Variants in POR observed in about 807,000 individuals in gnomAD.
POR encodes the protein cytochrome p450 oxidoreductase.
Under a neutral mutation model 84.0 loss-of-function variants are expected in POR, and 56 were observed. The observed-to-expected ratio is 0.67, with a 90% CI of 0.54 to 0.83. The LOEUF (loss-of-function observed/expected upper bound fraction) is 0.83, where lower values mean the gene tolerates loss of function less well. Among genes scored for constraint, POR ranks in the 40% least tolerant of loss-of-function variants. POR has a pLI of 0.00. For synonymous variants in POR, 414 were observed against 400.5 expected, an observed-to-expected ratio of 1.03 and a Z score of -0.40; for missense variants, 938 against 944.3, an observed-to-expected ratio of 0.99 and a Z score of 0.09.
rs781837432 is a variant in POR at position 75,985,683 on chromosome 7, G to T, written c.1503G>T (p.Glu501Asp). Residue 501 changes from glutamate to aspartate, a missense_variant, in exon 13 of 16, where the codon GAG (glutamate) becomes GAT (aspartate). Physicochemically the swap from Glu to Asp is conservative, Grantham distance 45. Transcript: ENST00000461988. ...CCACCAACTGGCTGCGGGCCAAGGAGCCTGCCGGGGAGAACGGCGGCCGTG... is the reference window on the plus strand; with the variant it reads ...CCACCAACTGGCTGCGGGCCAAGGATCCTGCCGGGGAGAACGGCGGCCGTG... 4 of 1,594,324 alleles carry T rather than the reference G, an allele frequency of 2.5e-6. No homozygotes were observed. Among genetic ancestry groups the T allele is most frequent in the Non-Finnish European group, 3.4e-6 (4 of 1,171,860 alleles).
At chr7:75,981,673 G>T in intron 7 of POR, 67 bp downstream of exon 7, 1 of 1,358,102 alleles carries the variant, frequency 7.4e-7, no homozygotes, top group Non-Finnish European at 1.0e-6. Context: ...AGCCACCCTG[G>T]AACAAGGGCT....
At chr7:75,981,306 C>CCTGCCT (rs1789027812) in intron 6 of POR, 134 bp downstream of exon 6, 1 of 1,350,628 alleles carries the variant, frequency 7.4e-7, no homozygotes, top group Non-Finnish European at 9.8e-7. Flanking sequence ...AAGGGGCTCT[C>CCTGCCT]CTGCCTCTGC....
chr7:75,956,956 C>T (rs1787713432), intron 2 of POR, among the ~76,000 whole-genome samples: 1 of 152,216 alleles, frequency 6.6e-6, no homozygotes, highest in Non-Finnish European at 1.5e-5. Context: ...AAACTCCCGA[C>T]CTCAGGTGAG....
chr7:75,955,758 G>A (rs943745895), intron 2 of POR, among the ~76,000 whole-genome samples: 4 of 152,148 alleles, frequency 2.6e-5, no homozygotes, highest in Non-Finnish European at 4.4e-5. Flanking sequence ...ACCAGTGGGG[G>A]CCATCTGTCA....
In POR at chr7:75,981,126, G is replaced by A. The variant is rs1222031035; in HGVS notation, c.595G>A (p.Gly199Ser). ...CGTGGACAAGCGGCTGGAGCAGCTC[G>A]GCGCCCAGCGCATCTTTGAGCTGGG... is the stretch of plus-strand genomic sequence containing the variant. Residue 199 changes from glycine to serine, a missense_variant, in exon 6 of 16, where the codon GGC (glycine) becomes AGC (serine). Gly to Ser is a moderately conservative substitution (Grantham distance 56). Transcript: ENST00000461988. 1.0e-5 allele frequency: 16 copies of A among 1,557,776 alleles called. No individual in the cohort carries two copies. Among genetic ancestry groups the A allele is most frequent in the Middle Eastern group, 1.8e-4 (1 of 5,468 alleles).
intron 8 of POR, chr7:75,983,245 G>A: frequency 2.7e-6 from 1 of 365,476 alleles, no homozygotes; most frequent in South Asian, 4.6e-5. Flanking sequence ...GGAGGCTGAG[G>A]CAGGAGAATT....
intron 12 of POR, 106 bp downstream of exon 12, chr7:75,985,313 T>C (rs1383235708): frequency 2.9e-6 from 4 of 1,382,230 alleles, no homozygotes; most frequent in Non-Finnish European, 3.8e-6. Context: ...AGCCCTGAGC[T>C]CCAGTTCCAG....
chr7:75,984,864 G>A lies in POR; in HGVS notation c.1154G>A (p.Arg385His), dbSNP rs781879415. Residue 385 changes from arginine (R) to histidine (H), a missense_variant, in exon 11 of 16, where the codon CGT becomes CAT. Coordinates refer to ENST00000461988, the MANE Select transcript of POR (RefSeq NM_000941.3). ...TACCTGGACATCACCAACCCGCCGC[G>A]TACCAACGTGCTGTACGAGCTGGCG... The A allele has an allele frequency of 1.6e-5, 26 of 1,612,426 alleles. No individual in the cohort carries two copies. The highest frequency in any genetic ancestry group is 1.6e-4 in the Middle Eastern group (1 of 6,082).
chr7:75,938,975 C>A (rs1807832832), intron 1 of POR, among the ~76,000 whole-genome samples: 1 of 152,206 alleles, frequency 6.6e-6, no homozygotes, highest in South Asian at 2.1e-4. Context: ...CTGGGAGCCC[C>A]TTCCTTGACT....
At chr7:75,937,552 G>A (rs1230206882) in intron 1 of POR, among the ~76,000 whole-genome samples, 2 of 151,568 alleles carry the variant, frequency 1.3e-5, no homozygotes, top group East Asian at 1.9e-4. Context: ...GAAGGCTGAG[G>A]GGGTGGATCA....
intron 2 of POR, among the ~76,000 whole-genome samples, chr7:75,962,381 CCT>C (rs1448229755): frequency 2.0e-5 from 3 of 152,130 alleles, no homozygotes; most frequent in African/African-American, 7.2e-5. Context: ...ACAGCCTCTA[CCT>C]CCCAGGCTTA....
At chr7:75,957,438 A>G (rs1429322668) in intron 2 of POR, among the ~76,000 whole-genome samples, 4 of 152,172 alleles carry the variant, frequency 2.6e-5, no homozygotes, top group Non-Finnish European at 5.9e-5. Context: ...TAAAGAGACC[A>G]GGGTCCAGGA....
intron 1 of POR, among the ~76,000 whole-genome samples, chr7:75,929,691 A>T (rs572220858): frequency 6.6e-6 from 1 of 152,264 alleles, no homozygotes; most frequent in Non-Finnish European, 1.5e-5. Context: ...TGTCTGTCTC[A>T]TTAGTACCAT....
Position 75,986,271 on chromosome 7 carries a change from G to A in POR, c.1898+30G>A, listed in dbSNP as rs781890577. The A allele has an allele frequency of 4.1e-5, 66 of 1,612,528 alleles. No individual in the cohort carries two copies. The Admixed American group carries it at 7.3e-4, about 18-fold the overall frequency. On this transcript the variant is annotated intron_variant, in intron 15 of 15. Transcript: ENST00000461988. ...GTGAGTGGGGTCACTGGAATAGGGG[G>A]CAGGGAGGACAAGGCCCTGCCTGCC...
rs1203383312 is a variant in POR, at chr7:75,936,822, A to ATT, written c.-4-17167_-4-17166insTT. Among the ~76,000 whole-genome samples, 711 of 137,152 alleles carry ATT rather than the reference A, an allele frequency of 5.2e-3. 3 individuals are homozygous for ATT. The highest frequency in any genetic ancestry group is 0.018 in the African/African-American group (584 of 32,978). 90.0% of individuals were successfully genotyped at this position (137,152 alleles called of 152,430 possible). On this transcript the variant is annotated intron_variant, in intron 1 of 15. Transcript: ENST00000461988. ...TGGCTCTGTTTCTCTTATTATTATT[A>ATT]ATTTTTTTTTTTTTTTTTTTTTGAG...
At chr7:75,962,295 C>T (rs1346518783) in intron 2 of POR, among the ~76,000 whole-genome samples, 1 of 151,930 alleles carries the variant, frequency 6.6e-6, no homozygotes, top group African/African-American at 2.4e-5. Context: ...AAAATGCCCC[C>T]CTCCTCCCTT....
At chr7:75,944,886 T>C (rs1284664286) in intron 1 of POR, among the ~76,000 whole-genome samples, 1 of 151,992 alleles carries the variant, frequency 6.6e-6, no homozygotes, top group Non-Finnish European at 1.5e-5. Context: ...ACAAAACAAA[T>C]GAACAGAGCC....
intron 1 of POR, chr7:75,947,171 A>G (rs1787209489): frequency 6.6e-6 from 1 of 151,980 alleles, no homozygotes; most frequent in South Asian, 2.1e-4. Context: ...TTTTTGGCCT[A>G]CGGATACCAT....
chr7:75,952,894 G>T (rs1365603074), intron 1 of POR, among the ~76,000 whole-genome samples: 1 of 152,088 alleles, frequency 6.6e-6, no homozygotes, highest in Non-Finnish European at 1.5e-5. Context: ...GCCAGGCAGA[G>T]ACGCTCCTCA....
Sources: allele counts gnomAD v4.1 joint callset (sites outside exome capture counted in the v4.1 genomes callset), GRCh38; gene constraint gnomAD v4.1.1; transcripts MANE v1.5; gene names NCBI Gene and HGNC (gene_info 2026-07-23, HGNC 2026-07-21).